The following NFATC2 variants were observed in gnomAD, a reference collection of about 807,000 sequenced individuals.
NFATC2 encodes nuclear factor of activated T cells 2.
Under a neutral mutation model 87.3 loss-of-function variants are expected in NFATC2, and 22 were observed. That is an observed-to-expected ratio of 0.25 (90% CI 0.18 to 0.36). The LOEUF (loss-of-function observed/expected upper bound fraction) is 0.36, where lower values mean the gene tolerates loss of function less well. Ranked by LOEUF, NFATC2 falls within the 10% of genes least tolerant of loss-of-function variation. The pLI, the probability that NFATC2 is intolerant of heterozygous loss-of-function variation, is 1.00. For synonymous variants in NFATC2, 565 were observed against 542.2 expected, an observed-to-expected ratio of 1.04 and a Z score of -0.58; for missense variants, 1,149 against 1,259.1, an observed-to-expected ratio of 0.91 and a Z score of 1.32.
intron 5 of NFATC2, among the ~76,000 whole-genome samples, chr20:51,459,764 G>T (rs372711568): frequency 1.1e-4 from 16 of 151,958 alleles, no homozygotes; most frequent in Admixed American, 7.9e-4. Context: ...CTGTAATCCC[G>T]GCTACTTGGG....
chr20:51,524,012 T>G lies in NFATC2; in HGVS notation c.229A>C (p.Ser77Arg), dbSNP rs768940330. 1.3e-6 allele frequency: 2 copies of G among 1,562,404 alleles called. No homozygotes were observed. The highest frequency in any genetic ancestry group is 1.2e-5 in the South Asian group (1 of 83,342). ...CGGCCGGGGGGCTCGCCAGAGAGAC[T>G]AGCAAGGGGGCTGTATGGCTTGAGG... is the stretch of plus-strand genomic sequence containing the variant. ...YGLKPYSPLA[S>R]LSGEPPGRFG... The change falls in exon 2 of 11, where the codon AGT becomes CGT. Residue 77 changes from serine (S) to arginine (R), a missense_variant. By Grantham distance (110) the Ser-to-Arg change is moderately radical. This residue lies in a region of NFATC2 where 563 missense variants were observed against 585.2 expected (regional missense o/e 0.96). Transcript: ENST00000371564. The surrounding 1 kb of genome is among the most constrained non-coding windows in gnomAD (Gnocchi z 4.0).
intron 3 of NFATC2, among the ~76,000 whole-genome samples, chr20:51,503,089 G>A (rs1212620711): frequency 6.6e-6 from 1 of 152,144 alleles, no homozygotes; most frequent in African/African-American, 2.4e-5. Flanking sequence ...ACAACCTCAA[G>A]CACAAACACA....
At chr20:51,461,835 G>C (rs781486977) in intron 5 of NFATC2, among the ~76,000 whole-genome samples, 1 of 152,240 alleles carries the variant, frequency 6.6e-6, no homozygotes, top group South Asian at 2.1e-4. Flanking sequence ...CAGCGGACAG[G>C]CTGGGTGTGG....
chr20:51,474,668 G>A (rs527355995), intron 4 of NFATC2, among the ~76,000 whole-genome samples: 27 of 152,314 alleles, frequency 1.8e-4, no homozygotes, highest in African/African-American at 6.3e-4. Flanking sequence ...TGGGAAAGCC[G>A]AGGGGGCAGG....
rs566413389 is a variant in NFATC2, at chr20:51,473,984, C to T, written c.1704G>A (p.Glu568=). The change falls in exon 5 of 11, where the codon GAG becomes GAA. Residue 568 remains glutamate, a synonymous_variant. Coordinates refer to ENST00000371564, the MANE Select transcript of NFATC2 (RefSeq NM_012340.5). The stretch of plus-strand genomic sequence containing the variant: ...GGGCCCCAGGGCCCAACTTACAGCA[C>T]TCGATGGGGTTAGATGCAGTCTGTA... ...VSLQTASNPI[E]CSQRSAHELP... is the part of the protein sequence containing the mutation. 6 of 1,613,574 alleles carry T rather than the reference C, an allele frequency of 3.7e-6. No individual in the cohort carries two copies. The highest frequency in any genetic ancestry group is 1.7e-4 in the Middle Eastern group (1 of 6,060).
At chr20:51,488,526 A>G (rs2075823574) in intron 3 of NFATC2, among the ~76,000 whole-genome samples, 1 of 152,214 alleles carries the variant, frequency 6.6e-6, no homozygotes, top group Non-Finnish European at 1.5e-5. Flanking sequence ...ACATTGCTAA[A>G]TGTCCCCTGG....
intron 3 of NFATC2, among the ~76,000 whole-genome samples, chr20:51,516,167 C>T (rs2076347400): frequency 6.6e-6 from 1 of 151,766 alleles, no homozygotes. Context: ...TCAAAAGCCA[C>T]AGACACACAA....
At chr20:51,468,322 A>AG (rs397780004) in intron 5 of NFATC2, among the ~76,000 whole-genome samples, 3 of 151,468 alleles carry the variant, frequency 2.0e-5, no homozygotes, top group East Asian at 3.9e-4. Context: ...CCTCCATAAA[A>AG]ATATATATAT....
chr20:51,510,318 A>C (rs1315091154), intron 3 of NFATC2, among the ~76,000 whole-genome samples: 2 of 152,226 alleles, frequency 1.3e-5, no homozygotes, highest in East Asian at 3.9e-4. Flanking sequence ...GCCACTCTCA[A>C]CTGGGATATT....
At chr20:51,397,285 A>G (rs1038468878) in intron 10 of NFATC2, among the ~76,000 whole-genome samples, 3 of 152,216 alleles carry the variant, frequency 2.0e-5, no homozygotes, top group Non-Finnish European at 4.4e-5. Flanking sequence ...CCCAGTGTTC[A>G]TCTTCTCCAG....
At chr20:51,510,727 T>C (rs2076260021) in intron 3 of NFATC2, among the ~76,000 whole-genome samples, 1 of 152,194 alleles carries the variant, frequency 6.6e-6, no homozygotes, top group African/African-American at 2.4e-5. Context: ...GCTCAAGCAA[T>C]CCTCTTGCCT....
chr20:51,415,007 T>A (rs1201882714), intron 9 of NFATC2, among the ~76,000 whole-genome samples: 1 of 151,998 alleles, frequency 6.6e-6, no homozygotes, highest in African/African-American at 2.4e-5. Context: ...CCCAGCACTT[T>A]GGGAGGCCAA....
chr20:51,456,151 G>A (rs886329713), intron 5 of NFATC2, among the ~76,000 whole-genome samples: 2 of 151,628 alleles, frequency 1.3e-5, no homozygotes, highest in Non-Finnish European at 2.9e-5. Flanking sequence ...TGGGTGGGTG[G>A]ATGAATGGAT....
intron 3 of NFATC2, among the ~76,000 whole-genome samples, chr20:51,515,720 G>C (rs2076340892): frequency 6.6e-6 from 1 of 150,808 alleles, no homozygotes; most frequent in Non-Finnish European, 1.5e-5. Context: ...GGACTTACAA[G>C]TTCTTAATAT....
Position 51,523,599 on chromosome 20 carries a change from G to A in NFATC2, c.642C>T (p.Pro214=). Residue 214 remains proline (P), a synonymous_variant, in exon 2 of 11, where the codon CCC becomes CCT. Coordinates refer to ENST00000371564, the MANE Select transcript of NFATC2 (RefSeq NM_012340.5). The surrounding 1 kb of genome is among the most constrained non-coding windows in gnomAD (Gnocchi z 6.9). The stretch of plus-strand genomic sequence containing the variant: ...GAGGTGACATTATTGGCGAGGTTCT[G>A]GGGGAATAATGAGCAGGGATGTTTT... ...QFQNIPAHYS[P]RTSPIMSPRT... 6.2e-7 allele frequency: 1 copy of A among 1,613,920 alleles called. No individual in the cohort carries two copies.
At chr20:51,543,649 C>T (rs901988235), upstream of NFATC2, among the ~76,000 whole-genome samples, 1 of 152,160 alleles carries the variant, frequency 6.6e-6, no homozygotes, top group Admixed American at 6.5e-5. Context: ...AAGCATGATT[C>T]CCAGGCCCCT....
intron 3 of NFATC2, among the ~76,000 whole-genome samples, chr20:51,515,983 A>T (rs1323801164): frequency 2.0e-5 from 3 of 152,342 alleles, no homozygotes; most frequent in East Asian, 1.9e-4. Flanking sequence ...TACCAAAAAA[A>T]GTTATATTAA....
chr20:51,398,785 T>C lies in NFATC2; in HGVS notation c.2723-55A>G, dbSNP rs901702765. Reference sequence around the variant, plus strand: ...GAAGAAAAAAAAAAATCACCTTTGATCTCTCTTACGCTTCCAACTCATGCC... The same window carrying C: ...GAAGAAAAAAAAAAATCACCTTTGACCTCTCTTACGCTTCCAACTCATGCC... On this transcript the variant is annotated intron_variant, in intron 9 of 10. Transcript: ENST00000371564. 2.8e-5 allele frequency: 35 copies of C among 1,230,750 alleles called. No homozygotes were observed. In the East Asian group the frequency reaches 4.2e-4, roughly 15 times the overall value. The allele number at this position is 1,230,750 out of a possible 1,614,324, so 76.2% of individuals were successfully genotyped here.
upstream of NFATC2, among the ~76,000 whole-genome samples, chr20:51,542,914 C>T (rs1335681274): frequency 1.3e-5 from 2 of 152,030 alleles, no homozygotes; most frequent in Admixed American, 6.5e-5. Context: ...CACCGCTGGG[C>T]GCTGGGGCGG....
Sources: gnomAD v4.1 joint callset for allele counts (sites outside exome capture counted in the v4.1 genomes callset) on GRCh38, gnomAD v4.1.1 for gene constraint, gnomAD v4.1.1 regional missense constraint, Gnocchi (gnomAD v3.1) non-coding constraint, MANE v1.5 for transcripts, NCBI Gene and HGNC (gene_info 2026-07-23, HGNC 2026-07-21) for gene names.